The following GMDS variants were observed in gnomAD, a reference collection of about 807,000 sequenced individuals.
GMDS encodes the protein GDP-mannose 4,6-dehydratase.
In GMDS, 20 loss-of-function variants were observed where a neutral mutation model predicts 49.9. The observed-to-expected ratio is 0.40, with a 90% CI of 0.28 to 0.58. The LOEUF is 0.58. GMDS is among the 20% of genes least tolerant of loss of function. The pLI is 0.42. For missense variants in GMDS, 362 were observed against 481.4 expected (o/e 0.75, Z 2.32); for synonymous variants, 177 against 178.6 (o/e 0.99, Z 0.07).
chr6:1,629,436 T>TGGGACTGTC (rs1233728288), intron 9 of GMDS, among the ~76,000 whole-genome samples: 3 of 152,184 alleles, frequency 2.0e-5, no homozygotes, highest in African/African-American at 7.2e-5. Flanking sequence ...CGGGACTCGG[T>TGGGACTGTC]GGGACTGTCC....
Position 1,640,893 on chromosome 6 carries a change from T to C in GMDS, c.988-16353A>G, listed in dbSNP as rs1561692311. Among the ~76,000 whole-genome samples the C allele has an allele frequency of 6.6e-6, 1 of 152,056 alleles. No individual in the cohort carries two copies. The highest frequency in any genetic ancestry group is 1.5e-5 in the Non-Finnish European group (1 of 67,984). On this transcript the variant is annotated intron_variant, in intron 9 of 10. Transcript: ENST00000380815. The surrounding 1 kb of genome is among the most constrained non-coding windows in gnomAD (Gnocchi z 4.0). ...CAGTGGGGGCTGCCCTGGGTAAAGC[T>C]TGAGGTGGAGGGAGCAGGCTGGGCT... is the stretch of plus-strand genomic sequence containing the variant.
intron 9 of GMDS, among the ~76,000 whole-genome samples, chr6:1,628,050 G>T (rs1762895698): frequency 6.6e-6 from 1 of 152,188 alleles, no homozygotes; most frequent in South Asian, 2.1e-4. Context: ...TGACCTTCGG[G>T]AGTTGTCCTT....
At chr6:1,910,403 G>A (rs139109105) in intron 7 of GMDS, among the ~76,000 whole-genome samples, 2 of 152,066 alleles carry the variant, frequency 1.3e-5, no homozygotes, top group East Asian at 3.9e-4. Flanking sequence ...CATAATCTGT[G>A]TCACAGAACA....
intron 4 of GMDS, among the ~76,000 whole-genome samples, chr6:2,092,440 T>C (rs1288283400): frequency 6.6e-6 from 1 of 152,238 alleles, no homozygotes; most frequent in Non-Finnish European, 1.5e-5. Context: ...GCAGCACTTT[T>C]TGTGTTTTCT....
At chr6:1,990,316 G>T (rs1581473714) in intron 4 of GMDS, among the ~76,000 whole-genome samples, 1 of 152,014 alleles carries the variant, frequency 6.6e-6, no homozygotes, top group South Asian at 2.1e-4. Context: ...AAGAAAGAAA[G>T]AAATGTTAGC....
At chr6:2,154,423 A>C (rs1776999074) in intron 1 of GMDS, among the ~76,000 whole-genome samples, 1 of 152,158 alleles carries the variant, frequency 6.6e-6, no homozygotes, top group African/African-American at 2.4e-5. Context: ...ACATTAACTA[A>C]CATACAAAAA....
chr6:1,936,556 C>G (rs1209605665), intron 6 of GMDS, among the ~76,000 whole-genome samples: 3 of 152,196 alleles, frequency 2.0e-5, no homozygotes, highest in Admixed American at 1.3e-4. Context: ...AAGACACCAC[C>G]TGCCCCTTTT....
At position 2,218,274 on chromosome 6, in the gene GMDS, C is replaced by T. The variant is rs73716974; in HGVS notation, c.102+27047G>A. Among the ~76,000 whole-genome samples the T allele has an allele frequency of 4.5e-3, 684 of 152,156 alleles. 11 individuals carry two copies. Among genetic ancestry groups the T allele is most frequent in the African/African-American group, 0.016 (651 of 41,502 alleles). ...ACTCATCTGAATACCAAGACAACAC[C>T]CAGACTCACCTCTGGAAATGCACAG... On this transcript the variant is annotated intron_variant, in intron 1 of 10. Transcript: ENST00000380815.
intron 1 of GMDS, among the ~76,000 whole-genome samples, chr6:2,218,311 G>T (rs748267535): frequency 6.6e-6 from 1 of 152,166 alleles, no homozygotes; most frequent in Non-Finnish European, 1.5e-5. Flanking sequence ...TGAAAGAAAA[G>T]CAAGGCAGTA....
chr6:1,666,168 G>T (rs1764230370), intron 9 of GMDS, among the ~76,000 whole-genome samples: 1 of 152,184 alleles, frequency 6.6e-6, no homozygotes, highest in African/African-American at 2.4e-5. Context: ...TATGGATGAA[G>T]CAGCAAAGGC....
In GMDS at chr6:1,624,176, T is replaced by C; in HGVS notation, c.1112A>G (p.Asn371Ser). 2.5e-6 allele frequency: 4 copies of C among 1,609,486 alleles called. No individual in the cohort carries two copies. The highest frequency in any genetic ancestry group is 1.6e-4 in the Middle Eastern group (1 of 6,062). The change falls in exon 11 of 11, where the codon AAT (asparagine) becomes AGT (serine). Residue 371 changes from asparagine to serine, a missense_variant. By Grantham distance (46) the Asn-to-Ser change is conservative. Transcript: ENST00000380815. ...CGGGCTCCGAGGCGCTGCTCAGGCATTGGGGTTTGTCCTCATGAGCTCCAC... is the reference window on the plus strand; with the variant it reads ...CGGGCTCCGAGGCGCTGCTCAGGCACTGGGGTTTGTCCTCATGAGCTCCAC... Reference protein sequence around the residue: ...ADVELMRTNPNA With the variant: ...ADVELMRTNPSA
intron 9 of GMDS, among the ~76,000 whole-genome samples, chr6:1,656,157 T>C (rs1763873311): frequency 6.6e-6 from 1 of 152,232 alleles, no homozygotes; most frequent in South Asian, 2.1e-4. Context: ...ACTAATAAGA[T>C]TAATTTTCCA....
intron 1 of GMDS, among the ~76,000 whole-genome samples, chr6:2,201,825 A>G (rs1779550877): frequency 7.4e-6 from 1 of 134,660 alleles, no homozygotes; most frequent in Non-Finnish European, 1.6e-5. Flanking sequence ...ATGTTAGCAG[A>G]GAGGCGAAGG....
chr6:2,150,623 T>C (rs1776795869), intron 1 of GMDS, among the ~76,000 whole-genome samples: 1 of 152,204 alleles, frequency 6.6e-6, no homozygotes, highest in South Asian at 2.1e-4. Context: ...AAGTAATCTC[T>C]AAAATTATTT....
intron 4 of GMDS, among the ~76,000 whole-genome samples, chr6:2,011,510 G>A (rs4959627): frequency 0.47 from 71,128 of 152,014 alleles, 16,959 homozygotes; most frequent in African/African-American, 0.56. Context: ...TGTTTATCAC[G>A]GAACTATTCA....
At chr6:2,186,962 T>C (rs1460450219) in intron 1 of GMDS, among the ~76,000 whole-genome samples, 1 of 152,252 alleles carries the variant, frequency 6.6e-6, no homozygotes, top group Admixed American at 6.5e-5. Context: ...ATTCTCTATG[T>C]TTAAAAACAA....
chr6:2,058,629 T>G (rs1355488969), intron 4 of GMDS, among the ~76,000 whole-genome samples: 1 of 152,118 alleles, frequency 6.6e-6, no homozygotes, highest in Non-Finnish European at 1.5e-5. Context: ...TGGGAAGGGA[T>G]GTGGAGCCTG....
intron 9 of GMDS, among the ~76,000 whole-genome samples, chr6:1,639,092 G>T (rs981491964): frequency 6.6e-6 from 1 of 152,180 alleles, no homozygotes; most frequent in Non-Finnish European, 1.5e-5. Flanking sequence ...ACAAGGGCAG[G>T]CTAGCAGATA....
chr6:1,674,715 T>TG (rs1764556687), intron 9 of GMDS, among the ~76,000 whole-genome samples: 1 of 59,982 alleles, frequency 1.7e-5, no homozygotes, highest in African/African-American at 4.9e-5. Context: ...ACCCAGCTAA[T>TG]TTTTTTTTTT....
Sources: allele counts gnomAD v4.1 joint callset (sites outside exome capture counted in the v4.1 genomes callset), GRCh38; gene constraint gnomAD v4.1.1; non-coding constraint Gnocchi (gnomAD v3.1); transcripts MANE v1.5; gene names NCBI Gene and HGNC (gene_info 2026-07-23, HGNC 2026-07-21).